The following ZKSCAN7 variants were observed in gnomAD, a reference collection of about 807,000 sequenced individuals.
The protein encoded by ZKSCAN7 is zinc finger protein with KRAB and SCAN domains 7.
Under a neutral mutation model 65.3 loss-of-function variants are expected in ZKSCAN7, and 38 were observed. The ratio of observed to expected loss-of-function variants is 0.58; its 90% CI spans 0.45 to 0.76. ZKSCAN7 has a LOEUF of 0.76. Ranked by LOEUF, ZKSCAN7 falls within the 30% of genes least tolerant of loss-of-function variation. The pLI is 0.00. For synonymous variants in ZKSCAN7, 321 were observed against 321.0 expected, an observed-to-expected ratio of 1.00 and a Z score of 0.00; for missense variants, 815 against 913.3, an observed-to-expected ratio of 0.89 and a Z score of 1.39.
chr3:44,559,289 A>T (rs1257119703), intron 2 of ZKSCAN7, among the ~76,000 whole-genome samples: 1 of 152,060 alleles, frequency 6.6e-6, no homozygotes, highest in Non-Finnish European at 1.5e-5. Context: ...CACACCATGG[A>T]TAAGTTAGTT....
At position 44,565,532 on chromosome 3, in the gene ZKSCAN7, A is replaced by C; in HGVS notation, c.469A>C (p.Thr157Pro). 6.2e-7 allele frequency: 1 copy of C among 1,611,804 alleles called. No homozygotes were observed. Among genetic ancestry groups the C allele is most frequent in the Non-Finnish European group, 8.5e-7 (1 of 1,179,098 alleles). The change falls in exon 3 of 6, where the codon ACA becomes CCA. Residue 157 changes from threonine to proline, a missense_variant. This residue lies in a region of ZKSCAN7 where 227 missense variants were observed against 253.3 expected (regional missense o/e 0.90). Transcript: ENST00000426540. ...ACAGGAAATGCATTTTGAGGAGACA[A>C]CAGCTCTGGGTACAACAAAGGAATC... ...QKQEMHFEETTALGTTKESPP... is the reference protein window; with the variant it reads ...QKQEMHFEETPALGTTKESPP...
chr3:44,571,589 G>T lies in ZKSCAN7; in HGVS notation c.*214G>T. On this transcript the variant is annotated 3_prime_UTR_variant, in exon 6 of 6. Transcript: ENST00000426540. ...GACTACACATGTCATTGAATTGTAG[G>T]TTTCCTTTTTTTTTCTTTACTTTTA... The T allele has an allele frequency of 3.7e-6, 5 of 1,345,386 alleles. No homozygotes were observed. Among genetic ancestry groups the T allele is most frequent in the Non-Finnish European group, 3.8e-6 (4 of 1,051,854 alleles). 83.3% of individuals were successfully genotyped at this position (1,345,386 alleles called of 1,614,324 possible). A position where few individuals can be genotyped will look rare whatever the true frequency, so the allele number is the denominator to read the frequency against.
Position 44,568,311 on chromosome 3 carries a change from C to T in ZKSCAN7, c.689C>T (p.Thr230Ile), listed in dbSNP as rs140086958. 39 of 1,612,100 alleles carry T rather than the reference C, an allele frequency of 2.4e-5. No individual in the cohort carries two copies. The highest frequency in any genetic ancestry group is 3.2e-5 in the Non-Finnish European group (38 of 1,179,272). Residue 230 changes from threonine (T) to isoleucine (I), a missense_variant, in exon 5 of 6, where the codon ACT (threonine) becomes ATT (isoleucine). Coordinates refer to ENST00000426540, the MANE Select transcript of ZKSCAN7 (RefSeq NM_001288590.2). ...GATTGGAGCTTGTCATTCCAGGATA[C>T]TGTGGCATATGAGGACCTATCTGTA... ...TVLRMVRPQD[T>I]VAYEDLSVDY...
intron 1 of ZKSCAN7, among the ~76,000 whole-genome samples, 196 bp downstream of exon 1, chr3:44,555,677 G>T (rs1255764592): frequency 2.0e-5 from 3 of 152,228 alleles, no homozygotes; most frequent in Non-Finnish European, 4.4e-5. Flanking sequence ...ACTATGGGAA[G>T]CAGGAGAATG....
In ZKSCAN7 at chr3:44,571,731, C is replaced by A. The variant is rs1004595844; in HGVS notation, c.*356C>A. 5 of 1,063,178 alleles carry A rather than the reference C, an allele frequency of 4.7e-6. No homozygotes were observed. In the African/African-American group the frequency reaches 8.4e-5, roughly 18 times the overall value. The allele number at this position is 1,063,178 out of a possible 1,614,324, so 65.9% of individuals were successfully genotyped here. Reference sequence around the variant, plus strand: ...ATTCTATTCTACTTCCTCCATTTCACCATTTATACAAAGTCATTCAAAAAG... The same window carrying A: ...ATTCTATTCTACTTCCTCCATTTCAACATTTATACAAAGTCATTCAAAAAG... On this transcript the variant is annotated 3_prime_UTR_variant, in exon 6 of 6. Coordinates refer to ENST00000426540, the MANE Select transcript of ZKSCAN7 (RefSeq NM_001288590.2).
rs1006263194 is a variant in ZKSCAN7, at chr3:44,570,105, G to T, written c.995G>T (p.Ser332Ile). 6 of 1,613,952 alleles carry T rather than the reference G, an allele frequency of 3.7e-6. No individual in the cohort carries two copies. Among genetic ancestry groups the T allele is most frequent in the Non-Finnish European group, 5.1e-6 (6 of 1,179,976 alleles). ...GGACAAACCTCAGATGAAGAAGGGA[G>T]CAGACTAGAAAATGATTTCTTGGAA... ...LEGQTSDEEG[S>I]RLENDFLEIT... is the part of the protein sequence containing the mutation. The change falls in exon 6 of 6, where the codon AGC becomes ATC. Residue 332 changes from serine to isoleucine, a missense_variant. By Grantham distance (142) the Ser-to-Ile change is moderately radical. Transcript: ENST00000426540.
chr3:44,567,195 AGAGG>A (rs943781675), intron 3 of ZKSCAN7, among the ~76,000 whole-genome samples: 15 of 151,506 alleles, frequency 9.9e-5, no homozygotes, highest in Admixed American at 7.3e-4. Flanking sequence ...GAAAAGAAAG[AGAGG>A]GAGGGAGGGA....
intron 5 of ZKSCAN7, chr3:44,578,311 T>G (rs1423542414): frequency 1.3e-6 from 2 of 1,590,690 alleles, no homozygotes; most frequent in African/African-American, 2.7e-5. Flanking sequence ...CCGATTCCTA[T>G]ATCCGCAATA....
At chr3:44,578,219 T>G in intron 5 of ZKSCAN7, 2 of 1,528,224 alleles carry the variant, frequency 1.3e-6, no homozygotes, top group Non-Finnish European at 1.8e-6. Context: ...CTTTGTGGTG[T>G]CACTTGCGTA....
At chr3:44,569,839 T>C (rs984810091) in intron 5 of ZKSCAN7, 83 bp from the exon 6 acceptor site, 126 of 1,440,662 alleles carry the variant, frequency 8.7e-5, no homozygotes, top group Non-Finnish European at 1.1e-4. Flanking sequence ...TGACTTTTTT[T>C]CAGGTATGTT....
chr3:44,560,598 C>T (rs1014522640), intron 2 of ZKSCAN7, among the ~76,000 whole-genome samples: 4 of 150,736 alleles, frequency 2.7e-5, no homozygotes, highest in Non-Finnish European at 2.9e-5. Flanking sequence ...CTGCAAGCTC[C>T]GCCTCCTTCA....
chr3:44,572,890 T>C (rs1699849419), downstream of ZKSCAN7, among the ~76,000 whole-genome samples: 1 of 138,640 alleles, frequency 7.2e-6, no homozygotes, highest in Non-Finnish European at 1.6e-5. Flanking sequence ...CAAAATTTAC[T>C]GCACCGAAGA....
intron 2 of ZKSCAN7, among the ~76,000 whole-genome samples, chr3:44,558,782 A>ATTTTTTTTTTTT (rs35709621): frequency 4.3e-5 from 4 of 92,708 alleles, no homozygotes; most frequent in Non-Finnish European, 6.1e-5. Context: ...TTTCTTCTTC[A>ATTTTTTTTTTTT]TTTTTTTTTT....
chr3:44,578,986 C>T (rs553661026), intron 5 of ZKSCAN7, among the ~76,000 whole-genome samples: 1 of 152,334 alleles, frequency 6.6e-6, no homozygotes, highest in East Asian at 1.9e-4. Flanking sequence ...GGCTCTGCTC[C>T]AGCTCCTTCT....
chr3:44,566,030 G>A (rs1384869407), intron 3 of ZKSCAN7, among the ~76,000 whole-genome samples: 1 of 152,194 alleles, frequency 6.6e-6, no homozygotes, highest in Non-Finnish European at 1.5e-5. Flanking sequence ...TCACAAATGA[G>A]CAATGTGGGC....
downstream of ZKSCAN7, among the ~76,000 whole-genome samples, chr3:44,573,572 A>G (rs189522017): frequency 8.6e-4 from 131 of 152,288 alleles, 1 homozygote; most frequent in African/African-American, 2.3e-3. Context: ...TTTCAACTTT[A>G]TATTTAGTAT....
chr3:44,571,111 G>T lies in ZKSCAN7; in HGVS notation c.2001G>T (p.Glu667Asp). 6.2e-7 allele frequency: 1 copy of T among 1,614,086 alleles called. No homozygotes were observed. Among genetic ancestry groups the T allele is most frequent in the Non-Finnish European group, 8.5e-7 (1 of 1,180,018 alleles). Residue 667 changes from glutamate (E) to aspartate (D), a missense_variant, in exon 6 of 6, where the codon GAG becomes GAT. Glu to Asp is a conservative substitution (Grantham distance 45). Around this residue, in one of 3 missense-constraint regions of ZKSCAN7, gnomAD observed 578 missense variants for 629.5 expected, o/e 0.92. Coordinates refer to ENST00000426540, the MANE Select transcript of ZKSCAN7 (RefSeq NM_001288590.2). ...HTGEKPYECN[E>D]CGKVFSYSSS... ...GTGAGAAACCCTATGAATGTAATGAGTGTGGGAAGGTATTCAGTTATAGCT... is the reference window on the plus strand; with the variant it reads ...GTGAGAAACCCTATGAATGTAATGATTGTGGGAAGGTATTCAGTTATAGCT...
intron 5 of ZKSCAN7, among the ~76,000 whole-genome samples, chr3:44,582,342 C>T (rs568191929): frequency 1.8e-4 from 27 of 152,300 alleles, no homozygotes; most frequent in East Asian, 1.9e-4. Context: ...CAATGTATGA[C>T]GGCCCACCTT....
Position 44,582,789 on chromosome 3 carries a change from A to ATGT in ZKSCAN7, c.812-182_812-180dup, listed in dbSNP as rs143242311. Among the ~76,000 whole-genome samples, 207 of 152,284 alleles carry ATGT rather than the reference A, an allele frequency of 1.4e-3. 2 individuals carry two copies. The East Asian group carries it at 0.036, about 26-fold the overall frequency. ...AGTAATCATTCCTCCCTGGGACCAG[A>ATGT]TGTAGGGTTAGCAGCTTGAATCAGA... On this transcript the variant is annotated intron_variant, in intron 5 of 5. Transcript: ENST00000341840.
Sources: gnomAD v4.1 joint callset for allele counts (sites outside exome capture counted in the v4.1 genomes callset) on GRCh38, gnomAD v4.1.1 for gene constraint, gnomAD v4.1.1 regional missense constraint, MANE v1.5 for transcripts, NCBI Gene and HGNC (gene_info 2026-07-23, HGNC 2026-07-21) for gene names.